The following STK3 variants were observed in gnomAD, a reference collection of about 807,000 sequenced individuals.
The protein encoded by STK3 is serine/threonine kinase 3, also known as serine/threonine-protein kinase 3.
Under a neutral mutation model 58.0 loss-of-function variants are expected in STK3, and 41 were observed. The observed-to-expected ratio is 0.71, with a 90% CI of 0.55 to 0.92. The LOEUF is 0.92. STK3 is among the 40% of genes least tolerant of loss of function. The pLI, the probability that STK3 is intolerant of heterozygous loss-of-function variation, is 0.00. For synonymous variants in STK3, 170 were observed against 191.0 expected, an observed-to-expected ratio of 0.89 and a Z score of 0.91; for missense variants, 479 against 602.7, an observed-to-expected ratio of 0.79 and a Z score of 2.15.
chr8:98,579,721 G>C lies in STK3; in HGVS notation c.891C>G (p.Ile297Met), dbSNP rs1813706081. The change falls in exon 8 of 11, where the codon ATC becomes ATG. Residue 297 changes from isoleucine (I) to methionine (M), a missense_variant. Around this residue, in one of 3 missense-constraint regions of STK3, gnomAD observed 309 missense variants for 355.7 expected, o/e 0.87. Transcript: ENST00000419617. ...GCTGTTCCTCATGTCTTTTAGCTTT[G>C]ATCTCCATAGCTTCTGTGATCAGGT... ...LRDLITEAME[I>M]KAKRHEEQQR... 6.2e-7 allele frequency: 1 copy of C among 1,609,360 alleles called. No individual in the cohort carries two copies. Among genetic ancestry groups the C allele is most frequent in the Non-Finnish European group, 8.5e-7 (1 of 1,178,532 alleles).
chr8:98,823,944 G>A (rs948416856), intron 1 of STK3, among the ~76,000 whole-genome samples: 1 of 152,122 alleles, frequency 6.6e-6, no homozygotes, highest in Non-Finnish European at 1.5e-5. Flanking sequence ...ATCAATAGGG[G>A]CAAAACTGCC....
chr8:98,617,136 CT>C (rs1817809811), intron 6 of STK3, among the ~76,000 whole-genome samples: 1 of 151,874 alleles, frequency 6.6e-6, no homozygotes, highest in Admixed American at 6.6e-5. Flanking sequence ...TGCAATCAAA[CT>C]AGAATTCAAG....
intron 1 of STK3, among the ~76,000 whole-genome samples, chr8:98,919,431 C>A (rs181774535): frequency 1.3e-5 from 2 of 151,188 alleles, no homozygotes; most frequent in African/African-American, 4.9e-5. Context: ...CTAAAACAGG[C>A]CAAAAAATAA....
At position 98,941,433 on chromosome 8, in the gene STK3, G is replaced by C. The variant is rs550682366; in HGVS notation, c.-79+945C>G. 2.6e-5 allele frequency among the ~76,000 whole-genome samples: 4 copies of C among 152,358 alleles called. No homozygotes were observed. In the South Asian group the frequency reaches 8.3e-4, roughly 32 times the overall value. ...TTCAAATGCAAAAGGTCCCCGCCCCGCAGAGGCAGTGGAAGGCTGAGGAGA... is the reference window on the plus strand; with the variant it reads ...TTCAAATGCAAAAGGTCCCCGCCCCCCAGAGGCAGTGGAAGGCTGAGGAGA... On this transcript the variant is annotated intron_variant, in intron 1 of 1. Coordinates refer to the STK3 transcript ENST00000519420.
intron 10 of STK3, among the ~76,000 whole-genome samples, chr8:98,479,715 A>G (rs568866506): frequency 1.3e-4 from 20 of 152,166 alleles, no homozygotes; most frequent in Non-Finnish European, 2.1e-4. Flanking sequence ...TTGACATATG[A>G]AGAATCTGGA....
chr8:98,526,907 G>A lies in STK3; in HGVS notation c.1152C>T (p.Thr384=). The change falls in exon 10 of 11, where the codon ACC becomes ACT. Residue 384 remains threonine, a synonymous_variant. Coordinates refer to ENST00000419617, the MANE Select transcript of STK3 (RefSeq NM_006281.4). ...AAGATGGTCTTTGTACTTGTGGTGA[G>A]GTTGCATTTCCTTAGGTAAACAAAG... The part of the protein sequence containing the change: ...EEDGTMKRNA[T]SPQVQRPSFM... The A allele has an allele frequency of 6.4e-7, 1 of 1,552,580 alleles. No individual in the cohort carries two copies. Among genetic ancestry groups the A allele is most frequent in the Non-Finnish European group, 8.7e-7 (1 of 1,144,942 alleles).
intron 7 of STK3, among the ~76,000 whole-genome samples, chr8:98,587,638 A>G (rs907313825): frequency 1.3e-5 from 2 of 152,028 alleles, no homozygotes; most frequent in Non-Finnish European, 2.9e-5. Flanking sequence ...GCTGAGTTCA[A>G]TTCCTGGGTA....
At chr8:98,394,614 G>A (rs1817881490) in intron 3 of STK3, among the ~76,000 whole-genome samples, 1 of 152,200 alleles carries the variant, frequency 6.6e-6, no homozygotes, top group South Asian at 2.1e-4. Flanking sequence ...GGTAGATTGT[G>A]TTTACTTTAT....
intron 1 of STK3, among the ~76,000 whole-genome samples, chr8:98,449,128 AGAG>A (rs1490697638): frequency 6.6e-6 from 1 of 152,186 alleles, no homozygotes; most frequent in African/African-American, 2.4e-5. Context: ...AAGAAGAAGA[AGAG>A]AAGTTATCTC....
At chr8:98,606,747 A>G (rs1816803236) in intron 6 of STK3, among the ~76,000 whole-genome samples, 1 of 152,184 alleles carries the variant, frequency 6.6e-6, no homozygotes, top group South Asian at 2.1e-4. Context: ...GAAGTCACAC[A>G]GGCTCTGTGT....
intron 1 of STK3, among the ~76,000 whole-genome samples, chr8:98,815,664 T>C (rs1005697305): frequency 1.3e-5 from 2 of 152,232 alleles, no homozygotes; most frequent in Admixed American, 6.5e-5. Flanking sequence ...CTTCTCATAA[T>C]GGCATTTAAA....
At position 98,566,681 on chromosome 8, in the gene STK3, CCA is replaced by C. The variant is rs879352368; in HGVS notation, c.948+12981_948+12982del. ...GCTCCACCACTGCTTAAGGACCAAT[CCA>C]GAGTCTGGACTGGAAACAGCTACAG... is the stretch of plus-strand genomic sequence containing the variant. On this transcript the variant is annotated intron_variant, in intron 8 of 10. Transcript: ENST00000419617. Among the ~76,000 whole-genome samples the C allele has an allele frequency of 1.6e-4, 25 of 152,254 alleles. No individual in the cohort carries two copies. The South Asian group carries it at 2.3e-3, about 14-fold the overall frequency.
chr8:98,611,188 T>C (rs1335509952), intron 6 of STK3, among the ~76,000 whole-genome samples: 1 of 152,274 alleles, frequency 6.6e-6, no homozygotes, highest in Admixed American at 6.5e-5. Context: ...AGTGAGGCTC[T>C]GGTCCCAAAA....
At chr8:98,650,294 A>T (rs182851361) in intron 6 of STK3, among the ~76,000 whole-genome samples, 14 of 152,392 alleles carry the variant, frequency 9.2e-5, no homozygotes, top group Non-Finnish European at 2.1e-4. Flanking sequence ...CATACTTGTT[A>T]TTAGAAATAA....
At chr8:98,856,557 A>C (rs1416318637) in intron 3 of STK3, among the ~76,000 whole-genome samples, 1 of 152,218 alleles carries the variant, frequency 6.6e-6, no homozygotes, top group Non-Finnish European at 1.5e-5. Context: ...ATAGCAATTA[A>C]GTGTTAGCGA....
At chr8:98,824,571 T>A (rs1265091883) in intron 1 of STK3, among the ~76,000 whole-genome samples, 1 of 152,262 alleles carries the variant, frequency 6.6e-6, no homozygotes, top group Non-Finnish European at 1.5e-5. Context: ...TCAAGTGCTC[T>A]GACAGCAGGT....
Position 98,800,619 on chromosome 8 carries a change from G to A in STK3, c.26+24896C>T, listed in dbSNP as rs570545427. On this transcript the variant is annotated intron_variant, in intron 1 of 10. Transcript: ENST00000419617. The surrounding 1 kb of genome is among the most constrained non-coding windows in gnomAD (Gnocchi z 4.8). ...GCGTGGGCAGGAACCAGGACTGCGC[G>A]CAGCACTCATGGGCCAGCACGAGTT... Among the ~76,000 whole-genome samples the A allele has an allele frequency of 1.4e-4, 21 of 152,282 alleles. No individual in the cohort carries two copies. The highest frequency in any genetic ancestry group is 4.1e-4 in the African/African-American group (17 of 41,584).
chr8:98,864,849 AGCTTTTTGT>A (rs1389425252), intron 3 of STK3, among the ~76,000 whole-genome samples: 1 of 152,234 alleles, frequency 6.6e-6, no homozygotes, highest in Non-Finnish European at 1.5e-5. Context: ...TTCAACAAGC[AGCTTTTTGT>A]GGTCCATATT....
In STK3 at chr8:98,825,535, C is replaced by A. The variant is rs1265591568; in HGVS notation, c.6G>T (p.Glu2Asp). Residue 2 changes from glutamate (E) to aspartate (D), a missense_variant, in exon 1 of 11, where the codon GAG becomes GAT. Glu to Asp is a conservative substitution (Grantham distance 45, BLOSUM62 2). Transcript: ENST00000419617. The stretch of plus-strand genomic sequence containing the variant: ...GTTACCTCTTAGGCGCCGGCGGCTG[C>A]TCCATGGCGGCCGGGGACAGAGAGA... M[E>D]QPPAPKSKLK... 6.9e-7 allele frequency: 1 copy of A among 1,457,922 alleles called. No homozygotes were observed. Among genetic ancestry groups the A allele is most frequent in the South Asian group, 1.3e-5 (1 of 77,152 alleles). 90.3% of individuals were successfully genotyped at this position (1,457,922 alleles called of 1,614,324 possible).
Sources: gnomAD v4.1 joint callset for allele counts (sites outside exome capture counted in the v4.1 genomes callset) on GRCh38, gnomAD v4.1.1 for gene constraint, gnomAD v4.1.1 regional missense constraint, Gnocchi (gnomAD v3.1) non-coding constraint, MANE v1.5 for transcripts, NCBI Gene and HGNC (gene_info 2026-07-23, HGNC 2026-07-21) for gene names.